Variants in ZNF385D observed in about 807,000 individuals in gnomAD.
ZNF385D encodes the protein zinc finger protein 385D, also known as zinc finger protein 659.
In ZNF385D, 15 loss-of-function variants were observed where a neutral mutation model predicts 35.8. The ratio of observed to expected loss-of-function variants is 0.42; its 90% CI spans 0.28 to 0.64. ZNF385D has a LOEUF of 0.64. ZNF385D is among the 30% of genes least tolerant of loss of function. ZNF385D has a pLI of 0.23. For missense variants in ZNF385D, 474 were observed against 494.6 expected (o/e 0.96, Z 0.39); for synonymous variants, 212 against 186.8 (o/e 1.13, Z -1.10).
intron 3 of ZNF385D, among the ~76,000 whole-genome samples, chr3:21,524,513 A>G (rs570247202): frequency 6.6e-6 from 1 of 152,318 alleles, no homozygotes; most frequent in African/African-American, 2.4e-5. Flanking sequence ...GTTCCAAACA[A>G]AGAATGAATC....
intron 2 of ZNF385D, among the ~76,000 whole-genome samples, chr3:21,660,369 A>C (rs970197861): frequency 1.8e-4 from 28 of 152,230 alleles, no homozygotes; most frequent in African/African-American, 6.7e-4. Flanking sequence ...AAGGCAGAAT[A>C]ACTAAATATT....
chr3:21,561,528 C>T (rs1322909182), intron 3 of ZNF385D, among the ~76,000 whole-genome samples: 2 of 152,296 alleles, frequency 1.3e-5, no homozygotes, highest in African/African-American at 2.4e-5. Flanking sequence ...GTTGGAAATG[C>T]AGAAATCACC....
At chr3:22,195,823 C>A (rs1306904108) in intron 2 of ZNF385D, among the ~76,000 whole-genome samples, 1 of 151,836 alleles carries the variant, frequency 6.6e-6, no homozygotes, top group African/African-American at 2.4e-5. Context: ...ACATATACAC[C>A]ATGAAATATT....
intron 1 of ZNF385D, among the ~76,000 whole-genome samples, chr3:21,687,096 T>G (rs561716424): frequency 2.6e-5 from 4 of 152,082 alleles, no homozygotes; most frequent in Non-Finnish European, 5.9e-5. Context: ...GAACAATAGG[T>G]AAGGAAGCCA....
At chr3:21,463,763 C>T (rs1703330741) in intron 4 of ZNF385D, among the ~76,000 whole-genome samples, 1 of 152,172 alleles carries the variant, frequency 6.6e-6, no homozygotes, top group Non-Finnish European at 1.5e-5. Context: ...CCTCAGTTTT[C>T]AATGACAGAG....
At chr3:21,799,137 T>C (rs1328964595) in intron 3 of ZNF385D, among the ~76,000 whole-genome samples, 1 of 152,230 alleles carries the variant, frequency 6.6e-6, no homozygotes, top group African/African-American at 2.4e-5. Flanking sequence ...TGATTTTCAT[T>C]CATTTTTGTG....
At chr3:21,672,170 AATGAT>A (rs1256415774) in intron 1 of ZNF385D, among the ~76,000 whole-genome samples, 7 of 152,194 alleles carry the variant, frequency 4.6e-5, no homozygotes, top group Non-Finnish European at 1.0e-4. Context: ...CTGTCAACAG[AATGAT>A]ATAACTAAAA....
rs955739769 is a variant in ZNF385D at position 21,424,094 on chromosome 3, T to TA, written c.853-31dup. 1.0e-5 allele frequency: 16 copies of TA among 1,533,908 alleles called. No individual in the cohort carries two copies. The Admixed American group carries it at 1.1e-4, about 11-fold the overall frequency. On this transcript the variant is annotated intron_variant, in intron 6 of 7. Coordinates refer to ENST00000281523, the MANE Select transcript of ZNF385D (RefSeq NM_024697.3). ...TAAAAGTAATTTAAAATGACAGCTT[T>TA]AAAAAAATCATCTGCAAAAACCTCT...
At chr3:21,897,179 A>G (rs578148321) in intron 3 of ZNF385D, among the ~76,000 whole-genome samples, 181 of 152,228 alleles carry the variant, frequency 1.2e-3, no homozygotes, top group Admixed American at 1.4e-3. Flanking sequence ...ACTACCTGAG[A>G]TAAGAATGCT....
intron 3 of ZNF385D, among the ~76,000 whole-genome samples, chr3:22,003,141 C>T (rs917012438): frequency 3.9e-5 from 6 of 152,088 alleles, no homozygotes; most frequent in Admixed American, 1.3e-4. Context: ...TGTCCTTCTT[C>T]GCAGATGACA....
At chr3:22,087,716 G>A (rs184388217) in intron 3 of ZNF385D, among the ~76,000 whole-genome samples, 1 of 151,992 alleles carries the variant, frequency 6.6e-6, no homozygotes, top group Non-Finnish European at 1.5e-5. Context: ...TTTGGGTTTT[G>A]TTACTTGAAG....
intron 4 of ZNF385D, among the ~76,000 whole-genome samples, chr3:21,487,855 TAGAA>T (rs1215330653): frequency 6.6e-6 from 1 of 152,170 alleles, no homozygotes; most frequent in African/African-American, 2.4e-5. Context: ...GAACTTTTGC[TAGAA>T]TTTAATGAAT....
intron 3 of ZNF385D, among the ~76,000 whole-genome samples, chr3:22,007,185 T>A (rs1471510420): frequency 6.6e-6 from 1 of 152,206 alleles, no homozygotes; most frequent in Non-Finnish European, 1.5e-5. Context: ...TACCTATTAA[T>A]AACCATTGTC....
chr3:22,313,599 A>G (rs983863588), intron 2 of ZNF385D, among the ~76,000 whole-genome samples: 9 of 152,144 alleles, frequency 5.9e-5, no homozygotes, highest in African/African-American at 2.2e-4. Flanking sequence ...GTTAAGGGAA[A>G]AAAATAACTT....
intron 3 of ZNF385D, among the ~76,000 whole-genome samples, chr3:21,926,534 T>C (rs563095798): frequency 6.6e-6 from 1 of 152,182 alleles, no homozygotes; most frequent in Non-Finnish European, 1.5e-5. Flanking sequence ...CAGTCTATCA[T>C]TGATGGCCAT....
At chr3:21,555,685 T>C (rs2062709698) in intron 3 of ZNF385D, among the ~76,000 whole-genome samples, 1 of 152,198 alleles carries the variant, frequency 6.6e-6, no homozygotes, top group Non-Finnish European at 1.5e-5. Flanking sequence ...CGTGTGCTTG[T>C]GTCTTTATAG....
chr3:21,527,350 C>T (rs997182806), intron 3 of ZNF385D, among the ~76,000 whole-genome samples: 2 of 152,128 alleles, frequency 1.3e-5, no homozygotes, highest in Non-Finnish European at 2.9e-5. Context: ...GCTATACCTT[C>T]GTACAGTCAG....
At chr3:21,593,840 T>TG (rs34391512) in intron 2 of ZNF385D, among the ~76,000 whole-genome samples, 55,618 of 151,472 alleles carry the variant, frequency 0.37, 10,794 homozygotes, top group African/African-American at 0.49. Flanking sequence ...AAGAGGTTCT[T>TG]GGGGAGGCAA....
chr3:21,989,075 C>T (rs1376671712), intron 3 of ZNF385D, among the ~76,000 whole-genome samples: 5 of 152,134 alleles, frequency 3.3e-5, no homozygotes, highest in Non-Finnish European at 5.9e-5. Context: ...GTGAGATGAA[C>T]CCGGTACCTC....
Sources: allele counts gnomAD v4.1 joint callset (sites outside exome capture counted in the v4.1 genomes callset), GRCh38; gene constraint gnomAD v4.1.1; transcripts MANE v1.5; gene names NCBI Gene and HGNC (gene_info 2026-07-23, HGNC 2026-07-21).